The following ARK2C variants were observed in gnomAD, a reference collection of about 807,000 sequenced individuals.
ARK2C encodes the protein E3 ubiquitin-protein ligase ARK2C.
the ARK2C span, among the ~76,000 whole-genome samples, chr18:46,427,964 G>A: frequency 6.6e-6 from 1 of 152,186 alleles, no homozygotes; most frequent in African/African-American, 2.4e-5. Context: ...CAGGGAGATG[G>A]GAGCACAAAC....
At chr18:46,366,157 T>C in the ARK2C span, among the ~76,000 whole-genome samples, 3 of 151,850 alleles carry the variant, frequency 2.0e-5, no homozygotes, top group South Asian at 6.3e-4. Flanking sequence ...CCGGGCGTGG[T>C]GGCACATGTC....
At chr18:46,440,273 TGAGAGAGA>T in the ARK2C span, among the ~76,000 whole-genome samples, 2 of 148,382 alleles carry the variant, frequency 1.3e-5, no homozygotes, top group African/African-American at 2.5e-5. Flanking sequence ...TTTGAGAGAC[TGAGAGAGA>T]GAGAGAGAGA....
chr18:46,386,367 A>G, the ARK2C span: 1 of 152,218 alleles, frequency 6.6e-6, no homozygotes, highest in Admixed American at 6.5e-5. Flanking sequence ...TAGTCATTTC[A>G]TTTGAGACAC....
At chr18:46,383,124 G>T in the ARK2C span, among the ~76,000 whole-genome samples, 6 of 152,230 alleles carry the variant, frequency 3.9e-5, no homozygotes, top group Admixed American at 3.9e-4. Context: ...CCTAGGCCGG[G>T]GTAGGTGCTG....
chr18:46,341,652 A>T, the ARK2C span, among the ~76,000 whole-genome samples: 7 of 152,112 alleles, frequency 4.6e-5, no homozygotes, highest in Non-Finnish European at 1.0e-4. Flanking sequence ...AATGAACTTC[A>T]ACAATAAAAA....
the ARK2C span, chr18:46,336,968 G>A: frequency 1.4e-5 from 14 of 985,280 alleles, no homozygotes; most frequent in Non-Finnish European, 1.6e-5. Flanking sequence ...GCTTAAGTGG[G>A]AGCCATGGCC....
chr18:46,367,659 T>A, the ARK2C span, among the ~76,000 whole-genome samples: 1 of 152,152 alleles, frequency 6.6e-6, no homozygotes, highest in African/African-American at 2.4e-5. Flanking sequence ...ACAAGTTGTA[T>A]TCATATGACT....
the ARK2C span, among the ~76,000 whole-genome samples, chr18:46,363,951 T>C: frequency 6.2e-5 from 9 of 146,084 alleles, no homozygotes; most frequent in Non-Finnish European, 1.4e-4. Flanking sequence ...TTTTCTTTTT[T>C]TTTTTTTTTT....
At chr18:46,383,979 T>C in the ARK2C span, among the ~76,000 whole-genome samples, 1 of 152,350 alleles carries the variant, frequency 6.6e-6, no homozygotes, top group African/African-American at 2.4e-5. Flanking sequence ...CAGACAATGC[T>C]GTAACATGAC....
the ARK2C span, among the ~76,000 whole-genome samples, chr18:46,379,677 T>A: frequency 6.6e-6 from 1 of 152,206 alleles, no homozygotes; most frequent in Non-Finnish European, 1.5e-5. Flanking sequence ...AAGTGTGGCC[T>A]TTCCAGAGGT....
At chr18:46,450,595 G>C in the ARK2C span, 10 of 878,930 alleles carry the variant, frequency 1.1e-5, no homozygotes, top group African/African-American at 1.6e-4. Context: ...CTTCCTGATA[G>C]CTATGTGAAT....
At chr18:46,442,515 T>C in the ARK2C span, among the ~76,000 whole-genome samples, 2 of 152,208 alleles carry the variant, frequency 1.3e-5, no homozygotes, top group African/African-American at 2.4e-5. Flanking sequence ...TCAGAAACCA[T>C]ACTCTGTGTA....
chr18:46,432,387 CT>C, the ARK2C span, among the ~76,000 whole-genome samples: 1 of 151,940 alleles, frequency 6.6e-6, no homozygotes, highest in Admixed American at 6.6e-5. Flanking sequence ...TGATCTGAGT[CT>C]TTTTTTTCCT....
chr18:46,374,568 C>T, the ARK2C span, among the ~76,000 whole-genome samples: 1 of 152,224 alleles, frequency 6.6e-6, no homozygotes, highest in African/African-American at 2.4e-5. Context: ...TCAGGGTTCA[C>T]CTGTGCTGCA....
the ARK2C span, among the ~76,000 whole-genome samples, chr18:46,397,631 G>GGT: frequency 4.4e-5 from 5 of 114,712 alleles, no homozygotes; most frequent in Non-Finnish European, 7.0e-5. Context: ...GAGGTGTGAG[G>GGT]GTGTGTGTGT....
At chr18:46,399,272 C>T in the ARK2C span, among the ~76,000 whole-genome samples, 1,425 of 152,256 alleles carry the variant, frequency 9.4e-3, 21 homozygotes, top group African/African-American at 0.033. Flanking sequence ...GGCAGTGCTC[C>T]GGCAGCTTGG....
At chr18:46,366,011 G>A in the ARK2C span, among the ~76,000 whole-genome samples, 3,618 of 152,166 alleles carry the variant, frequency 0.024, 131 homozygotes, top group African/African-American at 0.083. Flanking sequence ...GATAACTCTT[G>A]GCTGGGCGCG....
the ARK2C span, among the ~76,000 whole-genome samples, chr18:46,356,481 C>T: frequency 2.6e-5 from 4 of 152,156 alleles, no homozygotes; most frequent in Admixed American, 2.0e-4. Flanking sequence ...TACCAGAGCC[C>T]TGAGCCTGAG....
At chr18:46,455,318 A>G in the ARK2C span, among the ~76,000 whole-genome samples, 1 of 152,194 alleles carries the variant, frequency 6.6e-6, no homozygotes, top group East Asian at 1.9e-4. Context: ...GCAGGAATCT[A>G]GGTTGTAAAG....
Sources: allele counts gnomAD v4.1 joint callset (sites outside exome capture counted in the v4.1 genomes callset), GRCh38; gene constraint gnomAD v4.1.1; transcripts MANE v1.5; gene names NCBI Gene and HGNC (gene_info 2026-07-23, HGNC 2026-07-21).